The following TENM2 variants were observed in gnomAD, a reference collection of about 807,000 sequenced individuals.
TENM2 encodes the protein teneurin-2.
In TENM2, 52 loss-of-function variants were observed where a neutral mutation model predicts 245.2. The observed-to-expected ratio is 0.21, with a 90% CI of 0.17 to 0.27. The LOEUF is 0.27. TENM2 is among the 10% of genes least tolerant of loss of function. The pLI, the probability that TENM2 is intolerant of heterozygous loss-of-function variation, is 1.00. For synonymous variants in TENM2, 1,363 were observed against 1,438.9 expected (o/e 0.95, Z 1.19); for missense variants, 3,046 against 3,666.8 (o/e 0.83, Z 4.37).
At chr5:167,030,303 G>A in the TENM2 span, among the ~76,000 whole-genome samples, 3 of 152,054 alleles carry the variant, frequency 2.0e-5, no homozygotes, top group Non-Finnish European at 2.9e-5. Flanking sequence ...TTAAATGTTG[G>A]GAGTTTAAAA....
chr5:167,011,367 G>A, the TENM2 span, among the ~76,000 whole-genome samples: 1 of 152,182 alleles, frequency 6.6e-6, no homozygotes, highest in Non-Finnish European at 1.5e-5. Flanking sequence ...GCCAAGCTGT[G>A]GGTCATAATC....
At chr5:167,469,358 T>C (rs1298766307) in intron 2 of TENM2, among the ~76,000 whole-genome samples, 1 of 152,178 alleles carries the variant, frequency 6.6e-6, no homozygotes, top group Non-Finnish European at 1.5e-5. Flanking sequence ...TATTTGTTTT[T>C]TAATTACAGC....
In TENM2 at chr5:167,728,562, C is replaced by G. The variant is rs548783516; in HGVS notation, c.503-147424C>G. 9 of 152,388 alleles carry G rather than the reference C, an allele frequency of 5.9e-5. No homozygotes were observed. The East Asian group carries it at 1.4e-3, about 23-fold the overall frequency. The allele number at this position is 152,388 out of a possible 1,614,324, so 9.4% of individuals were successfully genotyped here. ...TAGGCTGCAGTGAGCTATGATTGCA[C>G]CACTGCACTCCAGCCTGGGTGACAG... On this transcript the variant is annotated intron_variant, in intron 2 of 28. Transcript: ENST00000518659.
At chr5:167,316,176 G>A (rs1327677654) in intron 1 of TENM2, among the ~76,000 whole-genome samples, 1 of 152,154 alleles carries the variant, frequency 6.6e-6, no homozygotes, top group Non-Finnish European at 1.5e-5. Context: ...TATACTGCAA[G>A]AATGTAAGCT....
intron 3 of TENM2, 105 bp from the exon 6 acceptor site, chr5:167,952,483 T>G: frequency 1.1e-6 from 1 of 939,532 alleles, no homozygotes; most frequent in South Asian, 1.6e-5. Flanking sequence ...CTTTCAGCAA[T>G]TGTCAGCTTA....
intron 2 of TENM2, among the ~76,000 whole-genome samples, chr5:167,379,312 A>T (rs576847799): frequency 6.6e-6 from 1 of 152,150 alleles, no homozygotes; most frequent in Non-Finnish European, 1.5e-5. Flanking sequence ...TCCTCGGCAG[A>T]GTTCCAACAC....
the TENM2 span, among the ~76,000 whole-genome samples, chr5:167,075,297 G>A: frequency 2.6e-5 from 4 of 152,218 alleles, no homozygotes; most frequent in East Asian, 3.9e-4. Context: ...GGGTTTCCCC[G>A]TTATACCCAA....
intron 5 of TENM2, among the ~76,000 whole-genome samples, chr5:167,999,732 G>A (rs909658523): frequency 1.3e-5 from 2 of 152,230 alleles, no homozygotes; most frequent in Non-Finnish European, 2.9e-5. Context: ...TTTCCTCTCC[G>A]AGATTCCCAT....
chr5:167,772,420 T>A lies in TENM2; in HGVS notation c.503-103566T>A, dbSNP rs557818833. Among the ~76,000 whole-genome samples, 3 of 152,272 alleles carry A rather than the reference T, an allele frequency of 2.0e-5. No individual in the cohort carries two copies. In the East Asian group the frequency reaches 5.8e-4, roughly 29 times the overall value. Reference sequence around the variant, plus strand: ...ATGTATCACTGTCAGGACATCACACTTATGGCTTGATTAGCTTTTTTAGGC... The same window carrying A: ...ATGTATCACTGTCAGGACATCACACATATGGCTTGATTAGCTTTTTTAGGC... On this transcript the variant is annotated intron_variant, in intron 2 of 28. Coordinates refer to ENST00000518659, the Ensembl canonical transcript of TENM2.
chr5:168,205,099 G>T (rs2152540380), intron 19 of TENM2, among the ~76,000 whole-genome samples: 1 of 152,272 alleles, frequency 6.6e-6, no homozygotes, highest in Admixed American at 6.5e-5. Flanking sequence ...CCTGCCCATT[G>T]CTGGCTACTA....
chr5:167,875,556 A>T (rs1384782177), intron 2 of TENM2, among the ~76,000 whole-genome samples: 1 of 152,106 alleles, frequency 6.6e-6, no homozygotes, highest in African/African-American at 2.4e-5. Flanking sequence ...CTGATTCCTC[A>T]CCTTAAAATT....
Position 167,993,187 on chromosome 5 carries a change from G to C in TENM2, c.1186+5G>C, listed in dbSNP as rs1398527571. On this transcript the variant is annotated splice_donor_5th_base_variant and intron_variant, in intron 5 of 28. Coordinates refer to ENST00000518659, the Ensembl canonical transcript of TENM2. Reference sequence around the variant, plus strand: ...TTTTGCTGGCGTATTTCATAGGTAAGTCAGGGCAGCCTTATTCAGCAACGC... The same window carrying C: ...TTTTGCTGGCGTATTTCATAGGTAACTCAGGGCAGCCTTATTCAGCAACGC... 6.2e-7 allele frequency: 1 copy of C among 1,612,738 alleles called. No individual in the cohort carries two copies. The highest frequency in any genetic ancestry group is 8.5e-7 in the Non-Finnish European group (1 of 1,178,842).
chr5:167,949,126 T>A (rs1779874827), intron 3 of TENM2, among the ~76,000 whole-genome samples: 1 of 151,920 alleles, frequency 6.6e-6, no homozygotes, highest in African/African-American at 2.4e-5. Context: ...AAACTAGGAG[T>A]CAAAAACATA....
At position 168,218,457 on chromosome 5, in the gene TENM2, C is replaced by T. The variant is rs1363460041; in HGVS notation, c.4566C>T (p.Cys1522=). 1 of 1,613,936 alleles carries T rather than the reference C, an allele frequency of 6.2e-7. No individual in the cohort carries two copies. The highest frequency in any genetic ancestry group is 1.3e-5 in the African/African-American group (1 of 74,936). ...CTGGGGCAGCCTCGGACTGCGACTG[C>T]AAAAACGATGTCAATTGCAACTGCT... Residue 1522 remains cysteine (C), a synonymous_variant, in exon 23 of 29, where the codon TGC becomes TGT. Transcript: ENST00000518659. The surrounding 1 kb of genome is among the most constrained non-coding windows in gnomAD (Gnocchi z 5.2).
intron 2 of TENM2, among the ~76,000 whole-genome samples, chr5:167,714,085 A>G (rs1759092367): frequency 6.6e-6 from 1 of 152,304 alleles, no homozygotes; most frequent in African/African-American, 2.4e-5. Context: ...CTTCTGACTC[A>G]GGCTGTTCAT....
At chr5:166,999,261 C>G in the TENM2 span, among the ~76,000 whole-genome samples, 1 of 152,008 alleles carries the variant, frequency 6.6e-6, no homozygotes, top group African/African-American at 2.4e-5. Context: ...CAGGTGACAG[C>G]CTTTGCTAAT....
In TENM2 at chr5:167,948,548, G is replaced by A. The variant is rs544720123; in HGVS notation, c.713-4040G>A. On this transcript the variant is annotated intron_variant, in intron 3 of 28. Coordinates refer to ENST00000518659, the Ensembl canonical transcript of TENM2. ...CCAATAAGACAGTTCCTTCTTCCTA[G>A]GACTAAAAGCCACGCAGTACCTAAA... Among the ~76,000 whole-genome samples the A allele has an allele frequency of 3.9e-5, 6 of 152,238 alleles. No individual in the cohort carries two copies. The East Asian group carries it at 1.2e-3, about 29-fold the overall frequency.
At chr5:168,163,517 C>T (rs530916936) in intron 13 of TENM2, among the ~76,000 whole-genome samples, 1 of 152,288 alleles carries the variant, frequency 6.6e-6, no homozygotes, top group Non-Finnish European at 1.5e-5. Context: ...TGGCTCACAC[C>T]TGTAATCCCA....
chr5:167,700,841 G>GTACCA (rs1758090513), intron 2 of TENM2, among the ~76,000 whole-genome samples: 10 of 148,764 alleles, frequency 6.7e-5, no homozygotes, highest in Non-Finnish European at 1.2e-4. Context: ...TCGATTCTAT[G>GTACCA]TTCAGTACCA....
Sources: allele counts gnomAD v4.1 joint callset (sites outside exome capture counted in the v4.1 genomes callset), GRCh38; gene constraint gnomAD v4.1.1; non-coding constraint Gnocchi (gnomAD v3.1); transcripts MANE v1.5; gene names NCBI Gene and HGNC (gene_info 2026-07-23, HGNC 2026-07-21).